The following INTS10 variants were observed in gnomAD, a reference collection of about 807,000 sequenced individuals.
INTS10 encodes the protein chromosome 8 open reading frame 35.
In INTS10, 44 loss-of-function variants were observed where a neutral mutation model predicts 94.4. The ratio of observed to expected loss-of-function variants is 0.47; its 90% CI spans 0.37 to 0.60. INTS10 has a LOEUF of 0.60. INTS10 is among the 20% of genes least tolerant of loss of function. The pLI, the probability that INTS10 is intolerant of heterozygous loss-of-function variation, is 0.00. For synonymous variants in INTS10, 341 were observed against 320.7 expected (o/e 1.06, Z -0.68); for missense variants, 797 against 868.7 (o/e 0.92, Z 1.04).
intron 10 of INTS10, among the ~76,000 whole-genome samples, chr8:19,830,977 G>A (rs1273068708): frequency 6.6e-6 from 1 of 152,208 alleles, no homozygotes; most frequent in African/African-American, 2.4e-5. Context: ...CAGCCATATT[G>A]CTGTTTTTAT....
At chr8:19,830,657 C>A in intron 10 of INTS10, 98 bp downstream of exon 10, 1 of 1,128,274 alleles carries the variant, frequency 8.9e-7, no homozygotes, top group Non-Finnish European at 1.3e-6. Context: ...AAGTTGATTA[C>A]AGTAGTTCAT....
At chr8:19,822,417 G>T (rs1344794020) in intron 4 of INTS10, 22 bp from the exon 5 acceptor site, 3 of 1,458,754 alleles carry the variant, frequency 2.1e-6, no homozygotes, top group South Asian at 2.3e-5. Flanking sequence ...ACATTTAAAT[G>T]AGTAATTTTG....
Position 19,846,002 on chromosome 8 carries a change from G to C in INTS10, c.1976+205G>C. 2.2e-6 allele frequency: 1 copy of C among 457,398 alleles called. No individual in the cohort carries two copies. The highest frequency in any genetic ancestry group is 3.9e-6 in the Non-Finnish European group (1 of 254,362). The allele number at this position is 457,398 out of a possible 1,614,324, so 28.3% of individuals were successfully genotyped here. The stretch of plus-strand genomic sequence containing the variant: ...TTCTTAAAACACTTTGCTTAAATTG[G>C]GGTATTTTTGTCACATTTGCAACTT... On this transcript the variant is annotated intron_variant, in intron 16 of 16. Coordinates refer to ENST00000397977, the MANE Select transcript of INTS10 (RefSeq NM_018142.4). The surrounding 1 kb of genome is among the most constrained non-coding windows in gnomAD (Gnocchi z 4.2).
chr8:19,825,066 G>A (rs6997363), intron 8 of INTS10, 94 bp downstream of exon 8: 71,315 of 1,071,496 alleles, frequency 0.067, 2,952 homozygotes, highest in East Asian at 0.17. Flanking sequence ...TGCTGGATCC[G>A]AATAACTGTG....
chr8:19,825,074 G>A (rs2066686085), intron 8 of INTS10, 102 bp downstream of exon 8: 1 of 1,009,356 alleles, frequency 9.9e-7, no homozygotes, highest in Non-Finnish European at 1.5e-6. Flanking sequence ...CCGAATAACT[G>A]TGGGGCAGTA....
intron 8 of INTS10, among the ~76,000 whole-genome samples, chr8:19,825,254 C>T (rs1460290850): frequency 6.6e-6 from 1 of 152,198 alleles, no homozygotes; most frequent in African/African-American, 2.4e-5. Flanking sequence ...AGGCTGGGCG[C>T]TGTGGCTCAC....
chr8:19,826,125 G>T (rs2066770475), intron 8 of INTS10, among the ~76,000 whole-genome samples: 2 of 152,078 alleles, frequency 1.3e-5, no homozygotes, highest in African/African-American at 2.4e-5. Flanking sequence ...TGTCGCCCAG[G>T]CTGGAGTGCA....
chr8:19,834,006 CA>C lies in INTS10; in HGVS notation c.1530+701del, dbSNP rs11428734. Among the ~76,000 whole-genome samples the C allele has an allele frequency of 4.5e-3, 496 of 110,330 alleles. 1 individual carries two copies. The highest frequency in any genetic ancestry group is 0.011 in the African/African-American group (317 of 28,114). 72.4% of individuals were successfully genotyped at this position (110,330 alleles called of 152,430 possible). ...TGGGTGACAGAGCCAGACTCTGTCT[CA>C]AAAAAAAAAAAAAAATGGTGATAAT... On this transcript the variant is annotated intron_variant, in intron 12 of 16. Transcript: ENST00000397977.
At chr8:19,818,140 T>A in intron 1 of INTS10, 135 bp from the exon 2 acceptor site, 1 of 829,982 alleles carries the variant, frequency 1.2e-6, no homozygotes, top group Non-Finnish European at 2.1e-6. Context: ...CTGCCATGTA[T>A]GTGGCGCTGT....
rs1321421889 is a variant in INTS10 at position 19,823,458 on chromosome 8, T to C, written c.664+17T>C. On this transcript the variant is annotated intron_variant, in intron 6 of 16. Transcript: ENST00000397977. ...AGCATCAAGGTAAGTAGGAATACCC[T>C]GTACTTTTACTTAAATAGGCTTTAG... is the stretch of plus-strand genomic sequence containing the variant. 3.2e-6 allele frequency: 5 copies of C among 1,539,736 alleles called. No homozygotes were observed. Among genetic ancestry groups the C allele is most frequent in the African/African-American group, 1.4e-5 (1 of 72,918 alleles).
chr8:19,828,361 C>G (rs972949911), intron 9 of INTS10, among the ~76,000 whole-genome samples: 9 of 152,176 alleles, frequency 5.9e-5, no homozygotes, highest in African/African-American at 2.2e-4. Flanking sequence ...AGTTCTCCAG[C>G]CAGCTGACAT....
At chr8:19,841,220 A>G (rs528109173) in intron 13 of INTS10, among the ~76,000 whole-genome samples, 3 of 152,336 alleles carry the variant, frequency 2.0e-5, no homozygotes, top group Admixed American at 6.5e-5. Context: ...TTCACACTAC[A>G]TAGACATCCT....
intron 4 of INTS10, chr8:19,821,655 C>G (rs1429847357): frequency 6.6e-6 from 1 of 151,870 alleles, no homozygotes. Flanking sequence ...TCTAATCCAC[C>G]ATGACCTCAT....
chr8:19,824,171 G>A, intron 7 of INTS10, 127 bp downstream of exon 7: 2 of 681,426 alleles, frequency 2.9e-6, no homozygotes, highest in Admixed American at 2.8e-5. Context: ...GACACTCAAT[G>A]CAAAAGAGGA....
In INTS10 at chr8:19,820,385, T is replaced by C; in HGVS notation, c.308T>C (p.Phe103Ser). 6.2e-7 allele frequency: 1 copy of C among 1,610,048 alleles called. No individual in the cohort carries two copies. Among genetic ancestry groups the C allele is most frequent in the Non-Finnish European group, 8.5e-7 (1 of 1,177,468 alleles). ...TGAAATATGTTTCGTACAGGTTTAT[T>C]TGAAACTCTTCCTGGTCGGGTCCAG... Reference protein sequence around the residue: ...DKQTQFLRSLFETLPGRVQCE... With the variant: ...DKQTQFLRSLSETLPGRVQCE... Residue 103 changes from phenylalanine (F) to serine (S), a missense_variant, in exon 4 of 17, where the codon TTT becomes TCT. By Grantham distance (155) the Phe-to-Ser change is radical. Coordinates refer to ENST00000397977, the MANE Select transcript of INTS10 (RefSeq NM_018142.4).
rs2069016352 is a variant in INTS10 at position 19,851,311 on chromosome 8, T to G, written c.1977-338T>G. 6.6e-6 allele frequency among the ~76,000 whole-genome samples: 1 copy of G among 152,118 alleles called. No individual in the cohort carries two copies. Among genetic ancestry groups the G allele is most frequent in the Non-Finnish European group, 1.5e-5 (1 of 68,014 alleles). On this transcript the variant is annotated intron_variant, in intron 16 of 16. Transcript: ENST00000397977. The surrounding 1 kb of genome is among the most constrained non-coding windows in gnomAD (Gnocchi z 5.0). Reference sequence around the variant, plus strand: ...TGTAGCCAGTGTGGACTGGACCCATTTGGCCCTAAGTAACTGAATTGTGTA... The same window carrying G: ...TGTAGCCAGTGTGGACTGGACCCATGTGGCCCTAAGTAACTGAATTGTGTA...
At chr8:19,848,807 G>A (rs1373900874) in intron 16 of INTS10, 7 of 161,566 alleles carry the variant, frequency 4.3e-5, no homozygotes, top group African/African-American at 1.7e-4. Flanking sequence ...AAAGAGGCTG[G>A]CTTTGAAAAT....
In INTS10 at chr8:19,847,137, A is replaced by G. The variant is rs551611825; in HGVS notation, c.1976+1340A>G. ...ATTTCTTTTTGTGTCTAGCAAGAATAGGGTCTTGTGGACTCCATTCTCAAG... is the reference window on the plus strand; with the variant it reads ...ATTTCTTTTTGTGTCTAGCAAGAATGGGGTCTTGTGGACTCCATTCTCAAG... On this transcript the variant is annotated intron_variant, in intron 16 of 16. Transcript: ENST00000397977. Among the ~76,000 whole-genome samples the G allele has an allele frequency of 1.8e-4, 28 of 152,336 alleles. No individual in the cohort carries two copies. The South Asian group carries it at 5.8e-3, about 32-fold the overall frequency.
chr8:19,818,363 C>A lies in INTS10; in HGVS notation c.197+21C>A. 1.9e-6 allele frequency: 3 copies of A among 1,610,440 alleles called. No homozygotes were observed. In the South Asian group the frequency reaches 3.3e-5, roughly 18 times the overall value. On this transcript the variant is annotated intron_variant, in intron 2 of 16. Transcript: ENST00000397977. The stretch of plus-strand genomic sequence containing the variant: ...GACATGTGAGTGGGACGCTTGACAT[C>A]ACTTTTACTGCACTGAATCTCTCCA...
Sources: gnomAD v4.1 joint callset for allele counts (sites outside exome capture counted in the v4.1 genomes callset) on GRCh38, gnomAD v4.1.1 for gene constraint, Gnocchi (gnomAD v3.1) non-coding constraint, MANE v1.5 for transcripts, NCBI Gene and HGNC (gene_info 2026-07-23, HGNC 2026-07-21) for gene names.